The following RDX variants were observed in gnomAD, a reference collection of about 807,000 sequenced individuals.
RDX encodes the protein deafness, autosomal recessive 24.
In RDX, 32 loss-of-function variants were observed where a neutral mutation model predicts 83.7. The observed-to-expected ratio is 0.38, with a 90% CI of 0.29 to 0.51. RDX has a LOEUF of 0.51. RDX is among the 20% of genes least tolerant of loss of function. The pLI, the probability that RDX is intolerant of heterozygous loss-of-function variation, is 0.87. For missense variants in RDX, 600 were observed against 689.9 expected (o/e 0.87, Z 1.46); for synonymous variants, 229 against 222.7 (o/e 1.03, Z -0.25).
chr11:110,275,827 C>G (rs1169863629), intron 2 of RDX, among the ~76,000 whole-genome samples: 2 of 149,724 alleles, frequency 1.3e-5, no homozygotes, highest in Non-Finnish European at 3.0e-5. Context: ...CTCTGTCACC[C>G]AGGCTAGTGT....
chr11:110,189,488 T>G (rs1288018379), intron 15 of RDX, among the ~76,000 whole-genome samples: 1 of 152,114 alleles, frequency 6.6e-6, no homozygotes, highest in African/African-American at 2.4e-5. Flanking sequence ...GACTTAAATT[T>G]GACATTTGAC....
chr11:110,259,877 T>A (rs1160617488), intron 5 of RDX, among the ~76,000 whole-genome samples: 1 of 152,174 alleles, frequency 6.6e-6, no homozygotes, highest in Non-Finnish European at 1.5e-5. Flanking sequence ...ACAACTTTCT[T>A]TTATGGACTG....
intron 9 of RDX, among the ~76,000 whole-genome samples, chr11:110,248,035 G>A (rs1859185986): frequency 6.6e-6 from 1 of 152,146 alleles, no homozygotes; most frequent in African/African-American, 2.4e-5. Context: ...GCTAAGCTAT[G>A]AGGATGCAAA....
Position 110,264,014 on chromosome 11 carries a change from T to A in RDX, c.413A>T (p.Asn138Ile). ...GTAGCCTGGCTTATGAATCTCTTTA[T>A]TGTAATCTCCATACTTGGCTTGGAC... ...YAVQAKYGDY[N>I]KEIHKPGYLA... Residue 138 changes from asparagine (N) to isoleucine (I), a missense_variant, in exon 5 of 14, where the codon AAT (asparagine) becomes ATT (isoleucine). Physicochemically the swap from Asn to Ile is moderately radical, Grantham distance 149. Coordinates refer to ENST00000645495, the MANE Select transcript of RDX (RefSeq NM_002906.4). The A allele has an allele frequency of 6.2e-7, 1 of 1,613,840 alleles. No homozygotes were observed. Among genetic ancestry groups the A allele is most frequent in the Non-Finnish European group, 8.5e-7 (1 of 1,179,744 alleles).
At chr11:110,228,303 G>C (rs1036495372), downstream of RDX, among the ~76,000 whole-genome samples, 1 of 151,974 alleles carries the variant, frequency 6.6e-6, no homozygotes, top group African/African-American at 2.4e-5. Flanking sequence ...AATCCAAAGA[G>C]CTTTTGTATG....
chr11:110,211,840 T>C (rs570650458), intron 14 of RDX, among the ~76,000 whole-genome samples: 1 of 151,118 alleles, frequency 6.6e-6, no homozygotes, highest in East Asian at 1.9e-4. Flanking sequence ...AAGCAGTGTG[T>C]AGAGGGAAAT....
intron 14 of RDX, among the ~76,000 whole-genome samples, chr11:110,204,186 G>C (rs959338648): frequency 2.6e-5 from 4 of 151,754 alleles, no homozygotes; most frequent in African/African-American, 7.3e-5. Flanking sequence ...AAGAAAGTCT[G>C]TGTAGAAAGC....
intron 11 of RDX, 62 bp from the exon 12 acceptor site, chr11:110,236,253 A>G: frequency 7.6e-7 from 1 of 1,313,118 alleles, no homozygotes; most frequent in Non-Finnish European, 1.1e-6. Flanking sequence ...TTATAAGTCA[A>G]CAAAGTTTTA....
chr11:110,238,678 C>T (rs1415633502), intron 10 of RDX, among the ~76,000 whole-genome samples: 1 of 152,050 alleles, frequency 6.6e-6, no homozygotes, highest in Non-Finnish European at 1.5e-5. Context: ...AATCCCAGCA[C>T]TTTGGGTGAC....
At chr11:110,274,018 C>T (rs902719131) in intron 2 of RDX, among the ~76,000 whole-genome samples, 1 of 78,566 alleles carries the variant, frequency 1.3e-5, no homozygotes, top group Non-Finnish European at 2.8e-5. Context: ...AATCAGACTT[C>T]TTATTTCCCC....
intron 11 of RDX, among the ~76,000 whole-genome samples, chr11:110,236,930 T>G (rs1456710439): frequency 6.6e-6 from 1 of 152,092 alleles, no homozygotes. Context: ...ATCATTCCTC[T>G]TTTCAAAGGG....
At chr11:110,288,281 C>G (rs1357806503) in intron 1 of RDX, 1 of 152,176 alleles carries the variant, frequency 6.6e-6, no homozygotes, top group African/African-American at 2.4e-5. Context: ...AGTTTAGGAT[C>G]TCTTCTAAGA....
chr11:110,258,263 T>A (rs1187617929), intron 5 of RDX, 74 bp from the exon 6 acceptor site: 6 of 988,530 alleles, frequency 6.1e-6, no homozygotes, highest in Non-Finnish European at 9.2e-6. Flanking sequence ...AAGTAAAGAA[T>A]CCTTTCAGTA....
chr11:110,261,145 C>CA (rs1171646708), intron 5 of RDX, among the ~76,000 whole-genome samples: 2 of 152,166 alleles, frequency 1.3e-5, no homozygotes, highest in Admixed American at 1.3e-4. Context: ...AAGGTCTGCA[C>CA]CCACATATGC....
At chr11:110,217,255 T>C (rs147166969) in intron 14 of RDX, among the ~76,000 whole-genome samples, 29 of 152,336 alleles carry the variant, frequency 1.9e-4, no homozygotes, top group African/African-American at 6.7e-4. Flanking sequence ...ATTGCTGTTT[T>C]TACAGGTCGG....
intron 10 of RDX, among the ~76,000 whole-genome samples, chr11:110,246,022 T>C (rs1446062997): frequency 6.6e-6 from 1 of 152,174 alleles, no homozygotes; most frequent in Non-Finnish European, 1.5e-5. Context: ...CTCAGCCTCC[T>C]GAGTAGCTGA....
intron 15 of RDX, among the ~76,000 whole-genome samples, chr11:110,183,216 C>T (rs1046040681): frequency 6.6e-6 from 1 of 152,224 alleles, no homozygotes; most frequent in South Asian, 2.1e-4. Flanking sequence ...CTGCCAGCTC[C>T]TCTCAGAGGT....
chr11:110,263,883 A>AAC, intron 5 of RDX, 77 bp downstream of exon 5: 1 of 1,399,538 alleles, frequency 7.1e-7, no homozygotes, highest in African/African-American at 1.5e-5. Flanking sequence ...AAAAAAAAAA[A>AAC]CCTGAAAAAC....
chr11:110,275,782 C>CTT (rs36018441), intron 2 of RDX, among the ~76,000 whole-genome samples: 2,043 of 117,264 alleles, frequency 0.017, 90 homozygotes, highest in African/African-American at 0.051. Context: ...TTTTACCATC[C>CTT]TTTTTTTTTT....
Sources: gnomAD v4.1 joint callset for allele counts (sites outside exome capture counted in the v4.1 genomes callset) on GRCh38, gnomAD v4.1.1 for gene constraint, MANE v1.5 for transcripts, NCBI Gene and HGNC (gene_info 2026-07-23, HGNC 2026-07-21) for gene names.